Variants in DCDC1 observed in about 807,000 individuals in gnomAD.
DCDC1 encodes the protein doublecortin domain containing 1.
A neutral mutation model predicts 178.3 loss-of-function variants in DCDC1; 200 were observed. The observed-to-expected ratio is 1.12, with a 90% CI of 1.00 to 1.26. DCDC1 has a LOEUF of 1.26. Ranked by LOEUF, DCDC1 falls within the 50% of genes most tolerant of loss-of-function variation. DCDC1 has a pLI of 0.00. For missense variants in DCDC1, 1,983 were observed against 1,749.2 expected (o/e 1.13, Z -2.38); for synonymous variants, 690 against 604.8 (o/e 1.14, Z -2.07).
chr11:31,091,312 C>A (rs1591012537), intron 17 of DCDC1, 81 bp downstream of exon 17: 2 of 620,518 alleles, frequency 3.2e-6, no homozygotes, highest in East Asian at 2.8e-5. Context: ...CAATCCAAAC[C>A]AGGAGGCATC....
At chr11:31,113,397 G>A (rs1472443562) in intron 11 of DCDC1, among the ~76,000 whole-genome samples, 1 of 152,092 alleles carries the variant, frequency 6.6e-6, no homozygotes, top group African/African-American at 2.4e-5. Context: ...CCATTAACTA[G>A]TCATTTACAT....
chr11:31,258,270 A>C (rs754255065), intron 8 of DCDC1, among the ~76,000 whole-genome samples: 1 of 152,188 alleles, frequency 6.6e-6, no homozygotes, highest in Non-Finnish European at 1.5e-5. Context: ...TATTTAATTA[A>C]CGGAAGTGAA....
chr11:30,971,612 T>G (rs942021792), intron 20 of DCDC1, among the ~76,000 whole-genome samples: 6 of 122,846 alleles, frequency 4.9e-5, no homozygotes, highest in East Asian at 2.1e-4. Flanking sequence ...TGTTTTTTTT[T>G]TTTTTTTTTT....
chr11:31,225,017 C>G (rs1974744617), intron 9 of DCDC1, among the ~76,000 whole-genome samples: 3 of 151,824 alleles, frequency 2.0e-5, no homozygotes, highest in Non-Finnish European at 4.4e-5. Context: ...AGGAATCTAC[C>G]AAAAAGGAAA....
intron 9 of DCDC1, among the ~76,000 whole-genome samples, chr11:31,210,071 C>T (rs1331888324): frequency 6.6e-6 from 1 of 152,110 alleles, no homozygotes; most frequent in African/African-American, 2.4e-5. Context: ...CCGATAAATC[C>T]TAGTTTCTCC....
At chr11:31,280,071 G>A (rs1360512549) in intron 7 of DCDC1, among the ~76,000 whole-genome samples, 1 of 152,026 alleles carries the variant, frequency 6.6e-6, no homozygotes, top group Non-Finnish European at 1.5e-5. Context: ...AATGTGAGAA[G>A]TGTTAAATAA....
chr11:31,322,176 C>A (rs1288229319), intron 3 of DCDC1, among the ~76,000 whole-genome samples: 4 of 152,180 alleles, frequency 2.6e-5, no homozygotes, highest in Non-Finnish European at 5.9e-5. Context: ...GCTACATTTC[C>A]ACAGGAACTC....
intron 2 of DCDC1, among the ~76,000 whole-genome samples, chr11:31,334,707 G>A (rs1950184142): frequency 6.6e-6 from 1 of 152,190 alleles, no homozygotes; most frequent in South Asian, 2.1e-4. Context: ...GGTATCACCA[G>A]CAGAGGATGC....
chr11:30,940,220 C>G (rs1427994151), intron 21 of DCDC1, among the ~76,000 whole-genome samples: 1 of 152,098 alleles, frequency 6.6e-6, no homozygotes, highest in African/African-American at 2.4e-5. Flanking sequence ...TTACATTTGT[C>G]TTATCTGAGT....
At chr11:30,935,903 G>A (rs934492221) in intron 21 of DCDC1, among the ~76,000 whole-genome samples, 3 of 152,102 alleles carry the variant, frequency 2.0e-5, no homozygotes, top group African/African-American at 7.2e-5. Flanking sequence ...GGTTCCTCAG[G>A]TGACCCATGC....
intron 11 of DCDC1, among the ~76,000 whole-genome samples, chr11:31,111,629 G>T (rs1959177270): frequency 6.6e-6 from 1 of 152,048 alleles, no homozygotes; most frequent in Admixed American, 6.6e-5. Flanking sequence ...CCCAACTTTT[G>T]CCTGCAAACC....
chr11:31,129,728 T>C (rs1431861075), intron 10 of DCDC1, among the ~76,000 whole-genome samples: 1 of 152,018 alleles, frequency 6.6e-6, no homozygotes, highest in Non-Finnish European at 1.5e-5. Flanking sequence ...ACAAAATACC[T>C]ACTAAGCGGT....
At chr11:31,351,358 T>A (rs776454661) in intron 1 of DCDC1, among the ~76,000 whole-genome samples, 1 of 152,136 alleles carries the variant, frequency 6.6e-6, no homozygotes, top group Non-Finnish European at 1.5e-5. Context: ...ACTGTGGTGG[T>A]TGCCATAGTA....
rs185050563 is a variant in DCDC1 at position 30,941,557 on chromosome 11, A to G, written c.2716-9605T>C. Among the ~76,000 whole-genome samples the G allele has an allele frequency of 4.9e-4, 74 of 152,248 alleles. No homozygotes were observed. In the East Asian group the frequency reaches 0.011, roughly 22 times the overall value. ...AGGTCTTTACTCAAATATCACCTCA[A>G]TGAAGCCTTACCTAGTCAATCTAAA... On this transcript the variant is annotated intron_variant, in intron 21 of 38. Transcript: ENST00000684477.
At chr11:31,114,351 G>A (rs1354919145) in intron 11 of DCDC1, among the ~76,000 whole-genome samples, 1 of 152,230 alleles carries the variant, frequency 6.6e-6, no homozygotes, top group Admixed American at 6.6e-5. Flanking sequence ...CAGGGAAGGG[G>A]CCCTAAAGCT....
At chr11:30,979,677 G>C (rs1950287073) in intron 20 of DCDC1, among the ~76,000 whole-genome samples, 1 of 152,196 alleles carries the variant, frequency 6.6e-6, no homozygotes, top group Admixed American at 6.5e-5. Context: ...AAGCTTTACA[G>C]ATGCCTACAG....
chr11:31,282,764 C>T (rs1946539554), intron 7 of DCDC1, among the ~76,000 whole-genome samples: 1 of 151,930 alleles, frequency 6.6e-6, no homozygotes, highest in African/African-American at 2.4e-5. Context: ...GACACATGTG[C>T]TTCATATTCT....
intron 36 of DCDC1, among the ~76,000 whole-genome samples, chr11:30,890,641 T>C (rs1170986793): frequency 6.6e-6 from 1 of 152,182 alleles, no homozygotes; most frequent in African/African-American, 2.4e-5. Context: ...GTAAAAAATA[T>C]AGAACACATA....
chr11:31,208,585 T>G (rs1024950490), intron 9 of DCDC1, among the ~76,000 whole-genome samples: 1 of 152,134 alleles, frequency 6.6e-6, no homozygotes, highest in African/African-American at 2.4e-5. Context: ...CCTCCATGCT[T>G]AAAACTCCTC....
Sources: allele counts gnomAD v4.1 joint callset (sites outside exome capture counted in the v4.1 genomes callset), GRCh38; gene constraint gnomAD v4.1.1; transcripts MANE v1.5; gene names NCBI Gene and HGNC (gene_info 2026-07-23, HGNC 2026-07-21).